Variants in PDIA3 observed in about 807,000 individuals in gnomAD.
PDIA3 encodes the protein protein disulfide isomerase family A member 3.
A neutral mutation model predicts 56.9 loss-of-function variants in PDIA3; 16 were observed. The ratio of observed to expected loss-of-function variants is 0.28; its 90% confidence interval spans 0.19 to 0.43. PDIA3 has a LOEUF of 0.43. Among genes scored for constraint, PDIA3 ranks in the 20% least tolerant of loss-of-function variants. The pLI, the probability that PDIA3 is intolerant of heterozygous loss-of-function variation, is 1.00. For synonymous variants in PDIA3, 192 were observed against 216.5 expected (o/e 0.89, Z 0.99); for missense variants, 485 against 621.3 (o/e 0.78, Z 2.33).
chr15:43,766,134 TAAA>T (rs34486889), intron 7 of PDIA3, 122 bp downstream of exon 7: 2,631 of 334,116 alleles, frequency 7.9e-3, no homozygotes, highest in East Asian at 0.012. Flanking sequence ...TAAGAAGAGG[TAAA>T]AAAAAAAAAA....
chr15:43,761,955 TAATA>T (rs1469481196), intron 4 of PDIA3, among the ~76,000 whole-genome samples: 1 of 152,130 alleles, frequency 6.6e-6, no homozygotes, highest in Non-Finnish European at 1.5e-5. Context: ...TACAAGTAAA[TAATA>T]AACCTCTGCT....
intron 1 of PDIA3, among the ~76,000 whole-genome samples, chr15:43,748,353 C>G (rs1030645437): frequency 1.8e-4 from 28 of 152,202 alleles, no homozygotes; most frequent in African/African-American, 6.5e-4. Context: ...TGGCACATGC[C>G]TGTAATCCCA....
At chr15:43,751,478 GAATT>G in intron 1 of PDIA3, 2 of 647,682 alleles carry the variant, frequency 3.1e-6, no homozygotes, top group Admixed American at 2.5e-5. Context: ...AGGATAGATA[GAATT>G]AATTGTGTTT....
At chr15:43,767,877 C>A (rs2086858173) in intron 8 of PDIA3, among the ~76,000 whole-genome samples, 1 of 151,658 alleles carries the variant, frequency 6.6e-6, no homozygotes, top group African/African-American at 2.4e-5. Context: ...GAGGCTGAGG[C>A]AGGAAGATCA....
intron 2 of PDIA3, among the ~76,000 whole-genome samples, chr15:43,754,187 A>G (rs1436141243): frequency 6.6e-6 from 1 of 151,972 alleles, no homozygotes; most frequent in Non-Finnish European, 1.5e-5. Flanking sequence ...CGAAGTCAAG[A>G]GATTGAGACC....
At chr15:43,756,137 A>G (rs991876300) in intron 2 of PDIA3, among the ~76,000 whole-genome samples, 1 of 152,106 alleles carries the variant, frequency 6.6e-6, no homozygotes, top group African/African-American at 2.4e-5. Context: ...GTCTCACTAG[A>G]TCGGTTATGT....
Position 43,763,203 on chromosome 15 carries a change from G to GAGA in PDIA3, c.600_602dup (p.Glu201dup). On this transcript the variant is annotated inframe_insertion, in exon 5 of 13. Coordinates refer to ENST00000300289, the MANE Select transcript of PDIA3 (RefSeq NM_005313.5). ...CTGGTGAACGAGTATGATGATAATG[G>GAGA]AGAGTAAGTGACTGAGTTGAATCTC... The GAGA allele has an allele frequency of 6.2e-7, 1 of 1,613,618 alleles. No homozygotes were observed. The highest frequency in any genetic ancestry group is 8.5e-7 in the Non-Finnish European group (1 of 1,179,658).
At chr15:43,752,210 C>G (rs2086748931) in intron 1 of PDIA3, among the ~76,000 whole-genome samples, 1 of 152,216 alleles carries the variant, frequency 6.6e-6, no homozygotes, top group Non-Finnish European at 1.5e-5. Context: ...CTACTATCTC[C>G]CTCATCTTAA....
At chr15:43,752,302 A>G (rs977370232) in intron 1 of PDIA3, among the ~76,000 whole-genome samples, 1 of 152,258 alleles carries the variant, frequency 6.6e-6, no homozygotes, top group African/African-American at 2.4e-5. Context: ...TCCATTTACT[A>G]TGCAGTATTA....
intron 3 of PDIA3, among the ~76,000 whole-genome samples, chr15:43,758,813 C>CA (rs1460791187): frequency 6.6e-6 from 1 of 151,430 alleles, no homozygotes; most frequent in Non-Finnish European, 1.5e-5. Flanking sequence ...ATGTCTCCAC[C>CA]AAAAAATACA....
At position 43,771,963 on chromosome 15, in the gene PDIA3, T is replaced by C; in HGVS notation, c.*745T>C. On this transcript the variant is annotated 3_prime_UTR_variant, in exon 13 of 13. Transcript: ENST00000300289. Reference sequence around the variant, plus strand: ...GCATGTTTATATCTCCCAAGGACTGTTCTCTGCTCAGAAATGCCCTGTCAA... The same window carrying C: ...GCATGTTTATATCTCCCAAGGACTGCTCTCTGCTCAGAAATGCCCTGTCAA... 4.8e-6 allele frequency: 1 copy of C among 207,908 alleles called. No homozygotes were observed. Among genetic ancestry groups the C allele is most frequent in the African/African-American group, 2.3e-5 (1 of 44,020 alleles). The allele number at this position is 207,908 out of a possible 1,614,324, so 12.9% of individuals were successfully genotyped here. A position where few individuals can be genotyped will look rare whatever the true frequency, so the allele number is the denominator to read the frequency against.
chr15:43,755,942 A>G (rs1450150823), intron 2 of PDIA3, among the ~76,000 whole-genome samples: 3 of 152,090 alleles, frequency 2.0e-5, no homozygotes, highest in Non-Finnish European at 2.9e-5. Flanking sequence ...TTCAATCACA[A>G]TTCCTACCTG....
At chr15:43,758,226 A>G (rs547916406) in intron 3 of PDIA3, among the ~76,000 whole-genome samples, 50 of 151,948 alleles carry the variant, frequency 3.3e-4, no homozygotes, top group African/African-American at 1.0e-3. Flanking sequence ...AACAAGAAGG[A>G]AACTCCGTCT....
chr15:43,760,865 G>A (rs994027284), intron 3 of PDIA3, among the ~76,000 whole-genome samples: 1 of 151,748 alleles, frequency 6.6e-6, no homozygotes, highest in African/African-American at 2.4e-5. Context: ...AAAACGCTAT[G>A]CCACTGTAAT....
chr15:43,758,716 C>T (rs946395388), intron 3 of PDIA3, among the ~76,000 whole-genome samples: 2 of 151,378 alleles, frequency 1.3e-5, no homozygotes, highest in Admixed American at 6.6e-5. Flanking sequence ...TAGCTCATGA[C>T]TGTAATCCCA....
At chr15:43,753,759 G>A in intron 1 of PDIA3, 65 bp from the exon 2 acceptor site, 2 of 1,149,112 alleles carry the variant, frequency 1.7e-6, no homozygotes, top group South Asian at 1.3e-5. Flanking sequence ...ATTCTTCCTA[G>A]TGAGACAACA....
At chr15:43,761,606 A>G (rs547884911) in intron 4 of PDIA3, 75 bp downstream of exon 4, 4 of 806,924 alleles carry the variant, frequency 5.0e-6, no homozygotes, top group African/African-American at 3.4e-5. Context: ...TGGGAAAACC[A>G]CAGAATTAAA....
chr15:43,759,230 C>T (rs2086799261), intron 3 of PDIA3, among the ~76,000 whole-genome samples: 1 of 152,102 alleles, frequency 6.6e-6, no homozygotes, highest in South Asian at 2.1e-4. Flanking sequence ...GCGGAGCTTG[C>T]AGTAAGCGGA....
intron 3 of PDIA3, among the ~76,000 whole-genome samples, chr15:43,759,645 T>C (rs752998361): frequency 2.0e-5 from 3 of 152,180 alleles, no homozygotes; most frequent in Admixed American, 1.3e-4. Flanking sequence ...AAGTATCTTA[T>C]CAGTGAATGA....
Sources: allele counts gnomAD v4.1 joint callset (sites outside exome capture counted in the v4.1 genomes callset), GRCh38; gene constraint gnomAD v4.1.1; transcripts MANE v1.5; gene names NCBI Gene and HGNC (gene_info 2026-07-23, HGNC 2026-07-21).